Variants in NCOR1 observed in about 807,000 individuals in gnomAD.
NCOR1 encodes nuclear receptor corepressor 1.
In NCOR1, 63 loss-of-function variants were observed where a neutral mutation model predicts 288.1. The observed-to-expected ratio is 0.22, with a 90% CI of 0.18 to 0.27. The LOEUF (loss-of-function observed/expected upper bound fraction) is 0.27. Ranked by LOEUF, NCOR1 falls within the 10% of genes least tolerant of loss-of-function variation. NCOR1 has a pLI of 1.00. For missense variants in NCOR1, 2,397 were observed against 3,019.2 expected, an observed-to-expected ratio of 0.79 and a Z score of 4.83; for synonymous variants, 1,007 against 1,065.9, an observed-to-expected ratio of 0.94 and a Z score of 1.08.
intron 18 of NCOR1, among the ~76,000 whole-genome samples, chr17:16,114,070 A>G (rs142005122): frequency 2.8e-4 from 40 of 142,664 alleles, no homozygotes; most frequent in African/African-American, 9.1e-4. Context: ...ACAGTTCCAC[A>G]TGGCTGGGGA....
At chr17:16,133,319 G>A (rs2075933616) in intron 14 of NCOR1, among the ~76,000 whole-genome samples, 1 of 152,142 alleles carries the variant, frequency 6.6e-6, no homozygotes, top group Non-Finnish European at 1.5e-5. Context: ...ACAAAAAGGA[G>A]GCTGGGAGTA....
intron 32 of NCOR1, 43 bp downstream of exon 32, chr17:16,067,851 G>C: frequency 6.5e-7 from 1 of 1,533,078 alleles, no homozygotes; most frequent in South Asian, 1.2e-5. Context: ...CATACTGGTG[G>C]CATATTTATT....
intron 26 of NCOR1, among the ~76,000 whole-genome samples, chr17:16,078,720 C>T (rs576368877): frequency 2.6e-5 from 4 of 152,106 alleles, no homozygotes; most frequent in Non-Finnish European, 4.4e-5. Flanking sequence ...GGATTACAGG[C>T]GCACACCACT....
chr17:16,055,694 TA>T (rs1387464080), intron 40 of NCOR1, among the ~76,000 whole-genome samples: 30 of 152,342 alleles, frequency 2.0e-4, no homozygotes, highest in African/African-American at 7.2e-4. Flanking sequence ...AATAAATAAC[TA>T]AAATGAAAAT....
At position 16,158,828 on chromosome 17, in the gene NCOR1, G is replaced by C. The variant is rs1391561740; in HGVS notation, c.664C>G (p.Pro222Ala). The C allele has an allele frequency of 6.2e-7, 1 of 1,614,116 alleles. No homozygotes were observed. The change falls in exon 6 of 46, where the codon CCC becomes GCC. Residue 222 changes from proline (P) to alanine (A), a missense_variant. Coordinates refer to ENST00000268712, the MANE Select transcript of NCOR1 (RefSeq NM_006311.4). ...EAAKPPEPEK[P>A]VSPPPVEQKH... ...TGCTCCACAGGAGGAGGGGACACGG[G>C]CTTCTCAGGCTCAGGAGGTTTAGCT...
chr17:16,101,217 A>T, intron 20 of NCOR1, 33 bp downstream of exon 20: 6 of 1,535,724 alleles, frequency 3.9e-6, no homozygotes, highest in Non-Finnish European at 5.2e-6. Context: ...CCAGCAGAGT[A>T]AGCACGGGGA....
chr17:16,093,598 G>C (rs1263358481), intron 21 of NCOR1, among the ~76,000 whole-genome samples: 1 of 152,152 alleles, frequency 6.6e-6, no homozygotes, highest in Non-Finnish European at 1.5e-5. Flanking sequence ...CTAGAGGTCT[G>C]ACTTTTTTTT....
chr17:16,032,175 T>C lies in NCOR1; in HGVS notation c.*121A>G. 2 of 966,164 alleles carry C rather than the reference T, an allele frequency of 2.1e-6. No homozygotes were observed. The highest frequency in any genetic ancestry group is 2.0e-5 in the South Asian group (1 of 51,216). 59.8% of individuals were successfully genotyped at this position (966,164 alleles called of 1,614,324 possible). ...ATTTCTTCATCATCTGTGGGCTGGC[T>C]CTCCTGAAAAGTCTCAGGGAATAAG... On this transcript the variant is annotated 3_prime_UTR_variant, in exon 46 of 46. Transcript: ENST00000268712.
chr17:16,123,302 G>T (rs900790587), intron 15 of NCOR1, among the ~76,000 whole-genome samples: 3 of 151,898 alleles, frequency 2.0e-5, no homozygotes, highest in African/African-American at 4.8e-5. Flanking sequence ...GCCAAGTTTT[G>T]GTTATTTCAT....
At chr17:16,202,400 CA>C (rs1193307384) in intron 1 of NCOR1, among the ~76,000 whole-genome samples, 2,840 of 112,826 alleles carry the variant, frequency 0.025, 81 homozygotes, top group African/African-American at 0.082. Flanking sequence ...GACTTCATCT[CA>C]AAAAAAAAAA....
chr17:16,039,255 CAT>C (rs1414551965), intron 44 of NCOR1, 176 bp downstream of exon 44: 12 of 616,096 alleles, frequency 1.9e-5, no homozygotes, highest in Non-Finnish European at 3.1e-5. Context: ...TATTTCTGTT[CAT>C]ATTATAATGT....
chr17:16,205,029 T>C (rs913983110), intron 1 of NCOR1, among the ~76,000 whole-genome samples: 28 of 152,164 alleles, frequency 1.8e-4, no homozygotes, highest in Non-Finnish European at 4.0e-4. Context: ...CAGACCAGCC[T>C]GACCAACAAG....
At chr17:16,040,143 G>C (rs779304381) in intron 43 of NCOR1, 7 of 532,230 alleles carry the variant, frequency 1.3e-5, no homozygotes, top group African/African-American at 7.5e-5. Flanking sequence ...TTTCCCAAGT[G>C]AATCAGTCAC....
intron 1 of NCOR1, among the ~76,000 whole-genome samples, chr17:16,197,111 G>A (rs2089988747): frequency 6.6e-6 from 1 of 152,056 alleles, no homozygotes; most frequent in South Asian, 2.1e-4. Context: ...CACGAGGTCA[G>A]GAGTTCAAGG....
chr17:16,128,873 G>T (rs2075170710), intron 14 of NCOR1, among the ~76,000 whole-genome samples: 1 of 152,064 alleles, frequency 6.6e-6, no homozygotes, highest in Admixed American at 6.5e-5. Context: ...AATCCAAGGG[G>T]CAAGGAAAGA....
intron 7 of NCOR1, 96 bp downstream of exon 7, chr17:16,153,243 T>C (rs2079149913): frequency 3.5e-6 from 3 of 863,226 alleles, no homozygotes; most frequent in East Asian, 2.5e-5. Flanking sequence ...ATCTCTCTTA[T>C]CCCAAAATAA....
chr17:16,078,314 T>C (rs1355692248), intron 26 of NCOR1, among the ~76,000 whole-genome samples: 1 of 152,206 alleles, frequency 6.6e-6, no homozygotes, highest in Admixed American at 6.5e-5. Context: ...TACACTTACT[T>C]GTCCAGTCAT....
chr17:16,157,603 T>G (rs576757767), intron 6 of NCOR1, among the ~76,000 whole-genome samples: 4 of 152,194 alleles, frequency 2.6e-5, no homozygotes, highest in East Asian at 3.9e-4. Flanking sequence ...TAAGATAGAC[T>G]GACAGATGAA....
intron 8 of NCOR1, 140 bp downstream of exon 8, chr17:16,151,806 T>C (rs559336908): frequency 3.3e-6 from 3 of 917,582 alleles, no homozygotes; most frequent in East Asian, 5.1e-5. Flanking sequence ...GAAGATAACA[T>C]ATAATAAAAC....
Sources: gnomAD v4.1 joint callset for allele counts (sites outside exome capture counted in the v4.1 genomes callset) on GRCh38, gnomAD v4.1.1 for gene constraint, MANE v1.5 for transcripts, NCBI Gene and HGNC (gene_info 2026-07-23, HGNC 2026-07-21) for gene names.